LINGO2: variants seen among roughly 807,000 people sequenced by gnomAD.
The protein encoded by LINGO2 is leucine-rich repeat and immunoglobulin-like domain-containing nogo receptor-interacting protein 2.
In LINGO2, 14 loss-of-function variants were observed where a neutral mutation model predicts 30.6. The ratio of observed to expected loss-of-function variants is 0.46; its 90% confidence interval spans 0.30 to 0.72. The LOEUF is 0.72. Ranked by LOEUF, LINGO2 falls within the 30% of genes least tolerant of loss-of-function variation. The probability of loss-of-function intolerance (pLI) is 0.07; values close to 1 mark genes in which losing one functional copy is unlikely to be tolerated. For synonymous variants in LINGO2, 317 were observed against 288.5 expected, an observed-to-expected ratio of 1.10 and a Z score of -1.00; for missense variants, 729 against 751.7, an observed-to-expected ratio of 0.97 and a Z score of 0.35.
chr9:27,983,395 C>T (rs1347022008), intron 5 of LINGO2, among the ~76,000 whole-genome samples: 2 of 151,746 alleles, frequency 1.3e-5, no homozygotes, highest in Admixed American at 6.6e-5. Flanking sequence ...AAGTGAGACA[C>T]CAAGTAGGAC....
chr9:29,072,246 C>T, the LINGO2 span, among the ~76,000 whole-genome samples: 1 of 151,992 alleles, frequency 6.6e-6, no homozygotes, highest in Admixed American at 6.6e-5. Flanking sequence ...TCCATAAAGA[C>T]TAAATTTGTC....
the LINGO2 span, among the ~76,000 whole-genome samples, chr9:28,948,694 A>G: frequency 1.3e-5 from 2 of 152,260 alleles, 1 homozygote; most frequent in African/African-American, 4.8e-5. Flanking sequence ...ATCTTCTACA[A>G]AATAATGAAA....
chr9:28,361,654 A>T (rs964676099), intron 3 of LINGO2, among the ~76,000 whole-genome samples: 1 of 152,116 alleles, frequency 6.6e-6, no homozygotes, highest in Non-Finnish European at 1.5e-5. Flanking sequence ...TTTTGAACAA[A>T]AAAAAAAGCT....
chr9:28,869,628 C>A, the LINGO2 span, among the ~76,000 whole-genome samples: 1 of 151,832 alleles, frequency 6.6e-6, no homozygotes, highest in Non-Finnish European at 1.5e-5. Flanking sequence ...GTAGACAGAG[C>A]CTGAGGAAGA....
At chr9:29,019,076 G>A in the LINGO2 span, among the ~76,000 whole-genome samples, 4 of 152,050 alleles carry the variant, frequency 2.6e-5, no homozygotes, top group Non-Finnish European at 5.9e-5. Flanking sequence ...GTATTGTGCT[G>A]TCTTTCTACA....
intron 2 of LINGO2, among the ~76,000 whole-genome samples, chr9:28,455,564 C>T (rs1384428038): frequency 6.6e-6 from 1 of 151,854 alleles, no homozygotes; most frequent in African/African-American, 2.4e-5. Flanking sequence ...AAGTCAAGAG[C>T]CAAAGAGTAA....
chr9:28,584,062 T>A (rs1824403068), intron 1 of LINGO2, among the ~76,000 whole-genome samples: 1 of 152,032 alleles, frequency 6.6e-6, no homozygotes. Context: ...GCTGTTGGAC[T>A]TCCCAGTCTC....
the LINGO2 span, among the ~76,000 whole-genome samples, chr9:28,822,362 T>C: frequency 2.0e-5 from 3 of 152,204 alleles, no homozygotes; most frequent in Admixed American, 2.0e-4. Context: ...TTAACTGTCA[T>C]AAATTTTTAA....
the LINGO2 span, among the ~76,000 whole-genome samples, chr9:29,053,246 A>G: frequency 6.6e-6 from 1 of 152,176 alleles, no homozygotes; most frequent in Non-Finnish European, 1.5e-5. Context: ...TCAGCCTGAG[A>G]AGTGCTAGTG....
At chr9:28,507,388 C>A (rs899329736) in intron 1 of LINGO2, among the ~76,000 whole-genome samples, 2 of 152,084 alleles carry the variant, frequency 1.3e-5, no homozygotes, top group African/African-American at 4.8e-5. Context: ...GATGAAGAAC[C>A]CAGCCTTTCA....
rs1038444676 is a variant in LINGO2 at position 28,147,916 on chromosome 9, G to T, written c.-86-135511C>A. Among the ~76,000 whole-genome samples the T allele has an allele frequency of 8.8e-4, 134 of 152,202 alleles. No homozygotes were observed. Among genetic ancestry groups the T allele is most frequent in the Non-Finnish European group, 9.8e-4 (67 of 68,040 alleles). The stretch of plus-strand genomic sequence containing the variant: ...TGCCCAGTGTGCACCCGGCCACAGA[G>T]AAGTGGGTGACTTAGGAGTATCCTC... On this transcript the variant is annotated intron_variant, in intron 4 of 5. Transcript: ENST00000379992. This position sits in a 1 kb window ranked among gnomAD's most constrained non-coding sequence, Gnocchi z 4.7.
intron 3 of LINGO2, among the ~76,000 whole-genome samples, chr9:28,363,579 G>A (rs375408731): frequency 5.3e-5 from 8 of 152,144 alleles, no homozygotes; most frequent in African/African-American, 1.7e-4. Context: ...TGGAACACAG[G>A]ACTTTATTAT....
In LINGO2 at chr9:28,545,002, C is replaced by A. The variant is rs561804724; in HGVS notation, c.-364-68977G>T. ...CTATGTTAATTATGTTATATATATT[C>A]TTTATAGTCATTGTCAAAGCAACCC... On this transcript the variant is annotated intron_variant, in intron 1 of 5. Transcript: ENST00000379992. Among the ~76,000 whole-genome samples, 18 of 151,624 alleles carry A rather than the reference C, an allele frequency of 1.2e-4. 1 individual carries two copies. The highest frequency in any genetic ancestry group is 4.3e-4 in the African/African-American group (18 of 41,426).
At chr9:28,648,819 G>A (rs550401780) in intron 1 of LINGO2, among the ~76,000 whole-genome samples, 2 of 152,210 alleles carry the variant, frequency 1.3e-5, no homozygotes, top group South Asian at 2.1e-4. Flanking sequence ...TTTCTACACA[G>A]TAGTTACAGG....
intron 3 of LINGO2, among the ~76,000 whole-genome samples, chr9:28,321,679 C>A (rs1004751307): frequency 6.6e-6 from 1 of 152,168 alleles, no homozygotes; most frequent in African/African-American, 2.4e-5. Flanking sequence ...GGACCTGTCC[C>A]ATTCAACATG....
chr9:28,705,453 C>G, the LINGO2 span, among the ~76,000 whole-genome samples: 1 of 152,036 alleles, frequency 6.6e-6, no homozygotes. Flanking sequence ...CTAGAGGAAG[C>G]TGGAATCAGG....
At chr9:28,926,399 C>G in the LINGO2 span, among the ~76,000 whole-genome samples, 1 of 152,262 alleles carries the variant, frequency 6.6e-6, no homozygotes, top group Non-Finnish European at 1.5e-5. Flanking sequence ...TGCTTTTTAA[C>G]AGCCATTGCC....
chr9:28,893,147 G>A, the LINGO2 span, among the ~76,000 whole-genome samples: 1 of 151,898 alleles, frequency 6.6e-6, no homozygotes, highest in African/African-American at 2.4e-5. Flanking sequence ...CTTCCTGGGA[G>A]CAAGCATTAT....
At chr9:28,027,074 T>G (rs1050815319) in intron 4 of LINGO2, among the ~76,000 whole-genome samples, 2 of 152,298 alleles carry the variant, frequency 1.3e-5, no homozygotes, top group South Asian at 2.1e-4. Context: ...CTTGACCTGT[T>G]GTTGTTGCAT....
Sources: gnomAD v4.1 joint callset for allele counts (sites outside exome capture counted in the v4.1 genomes callset) on GRCh38, gnomAD v4.1.1 for gene constraint, Gnocchi (gnomAD v3.1) non-coding constraint, MANE v1.5 for transcripts, NCBI Gene and HGNC (gene_info 2026-07-23, HGNC 2026-07-21) for gene names.